Variants in ACADM observed in about 807,000 individuals in gnomAD.
ACADM encodes the protein medium-chain specific acyl-CoA dehydrogenase, mitochondrial.
In ACADM, 49 loss-of-function variants were observed where a neutral mutation model predicts 58.9. The observed-to-expected ratio is 0.83, with a 90% CI of 0.66 to 1.06. The LOEUF (loss-of-function observed/expected upper bound fraction) is 1.06. Among genes scored for constraint, ACADM ranks in the 50% least tolerant of loss-of-function variants. ACADM has a pLI of 0.00. For missense variants in ACADM, 496 were observed against 507.0 expected (o/e 0.98, Z 0.21); for synonymous variants, 160 against 157.7 (o/e 1.01, Z -0.11).
At position 75,732,739 on chromosome 1, in the gene ACADM, G is replaced by A. The variant is rs374358376; in HGVS notation, c.214G>A (p.Glu72Lys). Residue 72 changes from glutamate to lysine, a missense_variant and splice_region_variant, in exon 3 of 12, where the codon GAA becomes AAA. Coordinates refer to ENST00000370841, the MANE Select transcript of ACADM (RefSeq NM_000016.6). ...GGCTGCAGAATATGATAAAACTGGT[G>A]AAGTAGGTATATACATTTTAAAGAG... ...PVAAEYDKTG[E>K]YPVPLIRRAW... 69 of 1,612,702 alleles carry A rather than the reference G, an allele frequency of 4.3e-5. No homozygotes were observed. In the African/African-American group the frequency reaches 8.1e-4, roughly 19 times the overall value.
intron 10 of ACADM, among the ~76,000 whole-genome samples, chr1:75,755,560 A>G (rs1011543168): frequency 1.3e-5 from 2 of 152,206 alleles, no homozygotes; most frequent in African/African-American, 4.8e-5. Flanking sequence ...GACTGATAGA[A>G]GGAAAACTAA....
At chr1:75,733,902 A>T (rs1023520360) in intron 5 of ACADM, among the ~76,000 whole-genome samples, 30 of 152,316 alleles carry the variant, frequency 2.0e-4, no homozygotes, top group Admixed American at 1.7e-3. Context: ...CTGCAGCTTC[A>T]GTGGCAATTC....
intron 11 of ACADM, chr1:75,761,668 A>G (rs1648869625): frequency 2.7e-6 from 1 of 364,854 alleles, no homozygotes; most frequent in Non-Finnish European, 5.1e-6. Context: ...TTTCTCTCCA[A>G]AAAGTATGCA....
intron 7 of ACADM, among the ~76,000 whole-genome samples, chr1:75,741,913 G>GA (rs1454150722): frequency 1.3e-5 from 2 of 152,056 alleles, no homozygotes; most frequent in South Asian, 2.1e-4. Flanking sequence ...TCTTCTGTAG[G>GA]AAAAAATCAG....
intron 8 of ACADM, 58 bp downstream of exon 8, chr1:75,745,972 ATTACT>A (rs1647879665): frequency 1.7e-6 from 2 of 1,204,560 alleles, no homozygotes; most frequent in Non-Finnish European, 2.4e-6. Context: ...AAATTGCAAA[ATTACT>A]TAACTTTCCT....
chr1:75,744,839 T>C (rs17647178), intron 7 of ACADM: 122,484 of 460,288 alleles, frequency 0.27, 17,655 homozygotes, highest in Middle Eastern at 0.36. Context: ...GCCCTCCTTT[T>C]CAAGATAGCA....
At chr1:75,752,787 A>G (rs930975250) in intron 10 of ACADM, among the ~76,000 whole-genome samples, 28 of 152,124 alleles carry the variant, frequency 1.8e-4, no homozygotes, top group African/African-American at 6.8e-4. Context: ...TGTGTCTTCT[A>G]ACTCTTTTAT....
intron 7 of ACADM, chr1:75,744,337 C>T: frequency 6.2e-7 from 1 of 1,610,980 alleles, no homozygotes; most frequent in Non-Finnish European, 8.5e-7. Flanking sequence ...AGGAGCAGCA[C>T]CAGTTTTCCT....
intron 6 of ACADM, among the ~76,000 whole-genome samples, chr1:75,736,173 T>TACACACACACACACACACACACACAC (rs10647103): frequency 2.8e-4 from 41 of 144,556 alleles, no homozygotes; most frequent in African/African-American, 1.0e-3. Flanking sequence ...CACACAGACA[T>TACACACACACACACACACACACACAC]ACACACACAC....
At chr1:75,760,993 G>A (rs1227338143) in intron 10 of ACADM, 129 bp from the exon 11 acceptor site, 1 of 865,098 alleles carries the variant, frequency 1.2e-6, no homozygotes, top group Non-Finnish European at 1.8e-6. Flanking sequence ...GATTGCTTGA[G>A]GCCAGGAGTT....
rs1648914763 is a variant in ACADM, at chr1:75,762,652, T to C, written c.1195-40T>C. 2.5e-6 allele frequency: 3 copies of C among 1,208,312 alleles called. No individual in the cohort carries two copies. In the South Asian group the frequency reaches 3.7e-5, roughly 15 times the overall value. The allele number at this position is 1,208,312 out of a possible 1,614,324, so 74.8% of individuals were successfully genotyped here. A position where few individuals can be genotyped will look rare whatever the true frequency, so the allele number is the denominator to read the frequency against. On this transcript the variant is annotated intron_variant, in intron 11 of 11. Coordinates refer to ENST00000370841, the MANE Select transcript of ACADM (RefSeq NM_000016.6). ...TGTTGAATAAATCAAAGTATTTATG[T>C]ACTAAAGATATTTAACCTACACTTA...
rs1233277807 is a variant in ACADM at position 75,728,561 on chromosome 1, T to G, written c.118+73T>G. The G allele has an allele frequency of 6.0e-6, 7 of 1,160,862 alleles. No individual in the cohort carries two copies. The East Asian group carries it at 1.7e-4, about 28-fold the overall frequency. The allele number at this position is 1,160,862 out of a possible 1,614,324, so 71.9% of individuals were successfully genotyped here. A position where few individuals can be genotyped will look rare whatever the true frequency, so the allele number is the denominator to read the frequency against. On this transcript the variant is annotated intron_variant, in intron 2 of 11. Transcript: ENST00000370841. ...CTTTATATGTTTTGTTTGGAATATG[T>G]TTGTAAATAAACTTAATAATGTCTT...
At chr1:75,757,497 C>T (rs529187556) in intron 10 of ACADM, among the ~76,000 whole-genome samples, 23 of 152,214 alleles carry the variant, frequency 1.5e-4, no homozygotes, top group African/African-American at 5.3e-4. Flanking sequence ...AAATCAAAAC[C>T]ACAATGAGAT....
In ACADM at chr1:75,753,795, C is replaced by CTTTTTTTTTTTTTTTTTTTTTTTTTTTT. The variant is rs71071962; in HGVS notation, c.945+3268_945+3269insTTTTTTTTTTTTTTTTTTTTTTTTTTTT. ...GCACTCTGCAAAATGCTGATAGCTTCTTTTTTTTTTTTTTTTTTTGAGACA... is the reference window on the plus strand; with the variant it reads ...GCACTCTGCAAAATGCTGATAGCTTCTTTTTTTTTTTTTTTTTTTTTTTTTTTTTTTTTTTTTTTTTTTTTTTGAGACA... On this transcript the variant is annotated intron_variant, in intron 10 of 11. Coordinates refer to ENST00000370841, the MANE Select transcript of ACADM (RefSeq NM_000016.6). Among the ~76,000 whole-genome samples, 76 of 81,898 alleles carry CTTTTTTTTTTTTTTTTTTTTTTTTTTTT rather than the reference C, an allele frequency of 9.3e-4. 16 individuals carry two copies. The highest frequency in any genetic ancestry group is 3.7e-3 in the African/African-American group (61 of 16,462). 53.7% of individuals were successfully genotyped at this position (81,898 alleles called of 152,430 possible). A position where few individuals can be genotyped will look rare whatever the true frequency, so the allele number is the denominator to read the frequency against.
chr1:75,727,918 A>C (rs755325176), intron 1 of ACADM, among the ~76,000 whole-genome samples: 32 of 152,182 alleles, frequency 2.1e-4, no homozygotes, highest in Admixed American at 3.9e-4. Context: ...GGTATCCTAA[A>C]AAATGAGATC....
intron 9 of ACADM, among the ~76,000 whole-genome samples, chr1:75,749,962 C>T (rs1426188326): frequency 3.3e-5 from 5 of 152,130 alleles, no homozygotes; most frequent in African/African-American, 9.6e-5. Context: ...CTGCCTACCT[C>T]GGCCTCCCAA....
chr1:75,756,018 A>C (rs1648486463), intron 10 of ACADM, among the ~76,000 whole-genome samples: 1 of 152,220 alleles, frequency 6.6e-6, no homozygotes. Context: ...AAAATTCAAC[A>C]GTTCTTCATG....
intron 10 of ACADM, among the ~76,000 whole-genome samples, chr1:75,759,656 CTTTTTTTT>C (rs34394777): frequency 2.3e-5 from 2 of 87,576 alleles, no homozygotes; most frequent in East Asian, 4.2e-4. Flanking sequence ...TAGCAACTTT[CTTTTTTTT>C]TTTTTTTTTT....
rs765625793 is a variant in ACADM at position 75,732,651 on chromosome 1, C to G, written c.126C>G (p.Thr42=). 6 of 1,613,456 alleles carry G rather than the reference C, an allele frequency of 3.7e-6. No individual in the cohort carries two copies. The highest frequency in any genetic ancestry group is 5.1e-6 in the Non-Finnish European group (6 of 1,179,518). ...EPGLGFSFEF[T]EQQKEFQATA... ...TAAATAATTTTCCCTTAGAGTTCAC[C>G]GAACAGCAGAAAGAATTTCAAGCTA... Residue 42 remains threonine (T), a synonymous_variant, in exon 3 of 12, where the codon ACC becomes ACG. Coordinates refer to ENST00000370841, the MANE Select transcript of ACADM (RefSeq NM_000016.6).
Sources: gnomAD v4.1 joint callset for allele counts (sites outside exome capture counted in the v4.1 genomes callset) on GRCh38, gnomAD v4.1.1 for gene constraint, MANE v1.5 for transcripts, NCBI Gene and HGNC (gene_info 2026-07-23, HGNC 2026-07-21) for gene names.